Variants in CHST11 observed in about 807,000 individuals in gnomAD.
CHST11 encodes C4S-1.
CHST11 carries 9 observed loss-of-function variants against 30.4 expected under a neutral mutation model. The ratio of observed to expected loss-of-function variants is 0.30; its 90% confidence interval spans 0.18 to 0.52. The LOEUF (loss-of-function observed/expected upper bound fraction) is 0.52. Among genes scored for constraint, CHST11 ranks in the 20% least tolerant of loss-of-function variants. The probability of loss-of-function intolerance (pLI) is 0.97; values close to 1 mark genes in which losing one functional copy is unlikely to be tolerated. For missense variants in CHST11, 348 were observed against 460.6 expected (o/e 0.76, Z 2.24); for synonymous variants, 152 against 187.8 (o/e 0.81, Z 1.56).
intron 2 of CHST11, among the ~76,000 whole-genome samples, chr12:104,603,884 G>A (rs1201328838): frequency 6.6e-6 from 1 of 152,208 alleles, no homozygotes; most frequent in Non-Finnish European, 1.5e-5. Context: ...GTGGTGATGT[G>A]TCTTGCTTGG....
At chr12:104,620,658 T>G (rs573282306) in intron 2 of CHST11, among the ~76,000 whole-genome samples, 10 of 152,370 alleles carry the variant, frequency 6.6e-5, no homozygotes, top group Admixed American at 5.2e-4. Context: ...TTTTATTACT[T>G]ACCCAGAGTA....
intron 2 of CHST11, among the ~76,000 whole-genome samples, chr12:104,631,332 T>A (rs1351021706): frequency 6.6e-6 from 1 of 152,194 alleles, no homozygotes; most frequent in Non-Finnish European, 1.5e-5. Flanking sequence ...TCAACTCAAG[T>A]CATTTTATTG....
At chr12:104,459,484 TCAG>T (rs1471743957) in intron 1 of CHST11, among the ~76,000 whole-genome samples, 3 of 151,368 alleles carry the variant, frequency 2.0e-5, no homozygotes, top group African/African-American at 7.4e-5. Flanking sequence ...GTGTCAGCCT[TCAG>T]CAGGAATGCG....
At chr12:104,589,068 C>T (rs2038832770) in intron 1 of CHST11, 2 of 152,144 alleles carry the variant, frequency 1.3e-5, no homozygotes, top group Admixed American at 1.3e-4. Context: ...CACAAAAGGA[C>T]AGACACTGTA....
intron 1 of CHST11, among the ~76,000 whole-genome samples, chr12:104,505,566 G>C (rs569089203): frequency 5.9e-5 from 9 of 152,330 alleles, no homozygotes; most frequent in African/African-American, 1.9e-4. Context: ...ATTGATTTCA[G>C]AGTGACTCAG....
At chr12:104,584,357 A>AGCG (rs1228269789) in intron 1 of CHST11, among the ~76,000 whole-genome samples, 3 of 151,234 alleles carry the variant, frequency 2.0e-5, no homozygotes, top group African/African-American at 7.3e-5. Context: ...CCCGGGTTCA[A>AGCG]GCGCTTCTTA....
In CHST11 at chr12:104,590,844, C is replaced by CTGCTCG. The variant is rs1248385588; in HGVS notation, c.119-11062_119-11061insTGCTCG. On this transcript the variant is annotated intron_variant, in intron 1 of 2. Transcript: ENST00000303694. ...GGCTGAGGCACAAGAATTGCTCGAA[C>CTGCTCG]ATGGGAGGTGGGGGTTGCAGTGAGC... Among the ~76,000 whole-genome samples the CTGCTCG allele has an allele frequency of 2.5e-3, 376 of 152,028 alleles. 2 individuals are homozygous for CTGCTCG. The highest frequency in any genetic ancestry group is 8.5e-3 in the African/African-American group (353 of 41,456).
chr12:104,588,176 A>T (rs1236854647), intron 1 of CHST11, among the ~76,000 whole-genome samples: 1 of 152,070 alleles, frequency 6.6e-6, no homozygotes, highest in Non-Finnish European at 1.5e-5. Flanking sequence ...GCCGTACAGC[A>T]TCCCCGCAGT....
chr12:104,625,867 A>G (rs2039209524), intron 2 of CHST11, among the ~76,000 whole-genome samples: 1 of 152,230 alleles, frequency 6.6e-6, no homozygotes, highest in South Asian at 2.1e-4. Context: ...CTAATTTAGA[A>G]TATGTAACAT....
Position 104,608,666 on chromosome 12 carries a change from G to T in CHST11, c.204+6675G>T, listed in dbSNP as rs561332742. ...GACACCAACCCCAGAGAGTCACAAT[G>T]CAGGACATAACCCATTATGTGAAAA... On this transcript the variant is annotated intron_variant, in intron 2 of 2. Coordinates refer to ENST00000303694, the MANE Select transcript of CHST11 (RefSeq NM_018413.6). Among the ~76,000 whole-genome samples the T allele has an allele frequency of 7.9e-5, 12 of 152,236 alleles. No homozygotes were observed. The East Asian group carries it at 1.5e-3, about 20-fold the overall frequency.
chr12:104,663,325 A>G (rs2039613935), intron 2 of CHST11, among the ~76,000 whole-genome samples: 1 of 152,196 alleles, frequency 6.6e-6, no homozygotes, highest in South Asian at 2.1e-4. Context: ...GATTTCTTGC[A>G]ATTTTTAAAC....
At chr12:104,634,466 G>C (rs576547050) in intron 2 of CHST11, among the ~76,000 whole-genome samples, 3 of 152,292 alleles carry the variant, frequency 2.0e-5, no homozygotes, top group Non-Finnish European at 4.4e-5. Context: ...CCTGGAGCTG[G>C]TCCCTGAAGA....
chr12:104,497,200 C>T (rs2037807254), intron 1 of CHST11, among the ~76,000 whole-genome samples: 1 of 152,204 alleles, frequency 6.6e-6, no homozygotes. Flanking sequence ...CAAAATGTCA[C>T]TACATGTGGA....
At chr12:104,755,523 C>A (rs2040467567) in intron 2 of CHST11, among the ~76,000 whole-genome samples, 1 of 152,104 alleles carries the variant, frequency 6.6e-6, no homozygotes, top group African/African-American at 2.4e-5. Context: ...CAGTGGCTCA[C>A]CCCTGCAGTC....
rs1003970828 is a variant in CHST11, at chr12:104,627,839, G to C, written c.204+25848G>C. ...ACAGAATTAGCAGGTGGTGGGTGTG[G>C]TGGTGATAACTAGCAGCAGCAGCAG... On this transcript the variant is annotated intron_variant, in intron 2 of 2. Transcript: ENST00000303694. Among the ~76,000 whole-genome samples, 4 of 152,294 alleles carry C rather than the reference G, an allele frequency of 2.6e-5. No homozygotes were observed. In the South Asian group the frequency reaches 8.3e-4, roughly 32 times the overall value.
intron 1 of CHST11, among the ~76,000 whole-genome samples, chr12:104,578,294 G>A (rs142823880): frequency 1.5e-4 from 23 of 152,264 alleles, no homozygotes; most frequent in Non-Finnish European, 2.2e-4. Flanking sequence ...GTTGAACCCC[G>A]AGTTCCGTTG....
At chr12:104,702,501 C>A in intron 2 of CHST11, among the ~76,000 whole-genome samples, 1 of 151,876 alleles carries the variant, frequency 6.6e-6, no homozygotes, top group Non-Finnish European at 1.5e-5. Flanking sequence ...CTGCACCCAG[C>A]TGATTCCTCA....
intron 1 of CHST11, among the ~76,000 whole-genome samples, chr12:104,521,646 C>A: frequency 6.6e-6 from 1 of 152,138 alleles, no homozygotes; most frequent in East Asian, 1.9e-4. Context: ...AAATGGTATC[C>A]TGCTAAGAGA....
chr12:104,486,509 C>T (rs1184479836), intron 1 of CHST11, among the ~76,000 whole-genome samples: 1 of 152,156 alleles, frequency 6.6e-6, no homozygotes, highest in Non-Finnish European at 1.5e-5. Context: ...AGAACTTAAT[C>T]CTGGGCTTCA....
Sources: gnomAD v4.1 joint callset for allele counts (sites outside exome capture counted in the v4.1 genomes callset) on GRCh38, gnomAD v4.1.1 for gene constraint, MANE v1.5 for transcripts, NCBI Gene and HGNC (gene_info 2026-07-23, HGNC 2026-07-21) for gene names.